Variants in PRDM5 observed in about 807,000 individuals in gnomAD.
PRDM5 encodes the protein PR domain zinc finger protein 5.
A neutral mutation model predicts 81.2 loss-of-function variants in PRDM5; 56 were observed. The ratio of observed to expected loss-of-function variants is 0.69; its 90% confidence interval spans 0.56 to 0.86. The LOEUF is 0.86. PRDM5 is among the 40% of genes least tolerant of loss of function. The pLI is 0.00. For missense variants in PRDM5, 697 were observed against 770.1 expected (o/e 0.91, Z 1.12); for synonymous variants, 267 against 256.4 (o/e 1.04, Z -0.39).
intron 2 of PRDM5, among the ~76,000 whole-genome samples, chr4:120,887,195 T>C (rs1175299025): frequency 6.6e-6 from 1 of 152,124 alleles, no homozygotes; most frequent in Non-Finnish European, 1.5e-5. Flanking sequence ...CCACCCGCCT[T>C]GGCCTCTCAA....
intron 2 of PRDM5, among the ~76,000 whole-genome samples, chr4:120,857,513 CT>C: frequency 6.6e-6 from 1 of 152,344 alleles, no homozygotes; most frequent in Middle Eastern, 3.4e-3. Context: ...GGTCTAGCCT[CT>C]GTTGAATGCT....
At chr4:120,708,221 T>C (rs1299501946) in intron 15 of PRDM5, among the ~76,000 whole-genome samples, 1 of 152,042 alleles carries the variant, frequency 6.6e-6, no homozygotes, top group Non-Finnish European at 1.5e-5. Context: ...CTATTCACAA[T>C]AGTCATAAGG....
At chr4:120,718,295 GTCTC>G (rs1026351919) in intron 14 of PRDM5, among the ~76,000 whole-genome samples, 5 of 152,154 alleles carry the variant, frequency 3.3e-5, no homozygotes, top group African/African-American at 1.2e-4. Flanking sequence ...GACAGTCTTT[GTCTC>G]TCTCTCACAC....
At chr4:120,726,203 A>G (rs1739383454) in intron 14 of PRDM5, among the ~76,000 whole-genome samples, 2 of 152,338 alleles carry the variant, frequency 1.3e-5, no homozygotes, top group East Asian at 3.9e-4. Flanking sequence ...TTAAGAAAAA[A>G]TATTTTTACA....
At chr4:120,891,819 A>G (rs945883495) in intron 2 of PRDM5, among the ~76,000 whole-genome samples, 15 of 152,004 alleles carry the variant, frequency 9.9e-5, no homozygotes, top group Admixed American at 9.8e-4. Flanking sequence ...TAGTAGACAC[A>G]GGGTTTCGTT....
At chr4:120,809,117 C>T (rs765319374) in intron 8 of PRDM5, among the ~76,000 whole-genome samples, 10 of 152,180 alleles carry the variant, frequency 6.6e-5, no homozygotes, top group Non-Finnish European at 1.3e-4. Flanking sequence ...GCTGCCAGCA[C>T]ACTGTCACCT....
At chr4:120,786,470 T>G (rs1318378580) in intron 10 of PRDM5, among the ~76,000 whole-genome samples, 15 of 151,528 alleles carry the variant, frequency 9.9e-5, no homozygotes, top group Admixed American at 2.6e-4. Context: ...AATATGGCAT[T>G]TAAAATTGGT....
At chr4:120,706,163 C>G (rs1243951157) in intron 15 of PRDM5, among the ~76,000 whole-genome samples, 1 of 150,084 alleles carries the variant, frequency 6.7e-6, no homozygotes, top group Admixed American at 6.7e-5. Context: ...ACGATCTTGG[C>G]TCACTGAAAC....
chr4:120,903,120 T>C (rs1489709212), intron 2 of PRDM5, among the ~76,000 whole-genome samples: 1 of 152,180 alleles, frequency 6.6e-6, no homozygotes, highest in East Asian at 1.9e-4. Context: ...TACCACCAGG[T>C]TCTGGTTCAT....
At chr4:120,749,498 C>A (rs901853788) in intron 14 of PRDM5, among the ~76,000 whole-genome samples, 19 of 152,110 alleles carry the variant, frequency 1.2e-4, no homozygotes, top group Non-Finnish European at 2.2e-4. Context: ...TTGAAGGAAC[C>A]CATCTGCTTT....
chr4:120,698,975 G>T (rs114180260), intron 15 of PRDM5, among the ~76,000 whole-genome samples: 2,299 of 151,564 alleles, frequency 0.015, 31 homozygotes, highest in Middle Eastern at 0.027. Flanking sequence ...ACATACACAT[G>T]TACTACTGTA....
At chr4:120,855,772 C>T (rs1483446563) in intron 2 of PRDM5, among the ~76,000 whole-genome samples, 3 of 152,154 alleles carry the variant, frequency 2.0e-5, no homozygotes, top group Non-Finnish European at 4.4e-5. Flanking sequence ...AGAATTGAAA[C>T]TGAAAATCTA....
intron 2 of PRDM5, among the ~76,000 whole-genome samples, chr4:120,872,150 C>CAAAAAAAAAAAAAAAAAACAA (rs1761874867): frequency 2.4e-5 from 1 of 41,842 alleles, no homozygotes; most frequent in Admixed American, 3.2e-4. Flanking sequence ...GACTCCATCT[C>CAAAAAAAAAAAAAAAAAACAA]AAAAAAAAAA....
Position 120,718,198 on chromosome 4 carries a change from T to C in PRDM5, c.1624-7785A>G, listed in dbSNP as rs113015292. On this transcript the variant is annotated intron_variant, in intron 14 of 15. Transcript: ENST00000264808. ...AAAGCTGTAATAAAGCCACAGTGTATGCACTTAATGAAATAATTTCCATGT... is the reference window on the plus strand; with the variant it reads ...AAAGCTGTAATAAAGCCACAGTGTACGCACTTAATGAAATAATTTCCATGT... Among the ~76,000 whole-genome samples, 1,142 of 152,302 alleles carry C rather than the reference T, an allele frequency of 7.5e-3. 10 individuals are homozygous for C. Among genetic ancestry groups the C allele is most frequent in the Non-Finnish European group, 0.012 (849 of 68,028 alleles).
At chr4:120,902,821 T>G (rs1199410315) in intron 2 of PRDM5, among the ~76,000 whole-genome samples, 1 of 152,134 alleles carries the variant, frequency 6.6e-6, no homozygotes, top group Non-Finnish European at 1.5e-5. Flanking sequence ...TGGGCATCAG[T>G]AAGTTCTAAG....
intron 14 of PRDM5, among the ~76,000 whole-genome samples, chr4:120,745,037 A>G (rs1742769981): frequency 6.7e-6 from 1 of 148,906 alleles, no homozygotes; most frequent in South Asian, 2.2e-4. Flanking sequence ...CCTCAATAAA[A>G]TACTGGCAAA....
chr4:120,714,479 A>G (rs1737464149), intron 14 of PRDM5, among the ~76,000 whole-genome samples: 1 of 152,100 alleles, frequency 6.6e-6, no homozygotes, highest in African/African-American at 2.4e-5. Context: ...TTTAACCTTT[A>G]GAAGTTTTAT....
Position 120,816,935 on chromosome 4 carries a change from A to G in PRDM5, c.651-11T>C. The G allele has an allele frequency of 1.2e-6, 2 of 1,602,706 alleles. No individual in the cohort carries two copies. Among genetic ancestry groups the G allele is most frequent in the Non-Finnish European group, 1.7e-6 (2 of 1,169,604 alleles). On this transcript the variant is annotated splice_polypyrimidine_tract_variant and intron_variant, in intron 5 of 15. Transcript: ENST00000264808. ...GTGCACTGAAGAACACTAAAGGGAA[A>G]TAGGAAAAAGAGAAAGAAAAGAAAA...
intron 2 of PRDM5, among the ~76,000 whole-genome samples, chr4:120,873,215 G>A (rs1762015531): frequency 6.6e-6 from 1 of 152,030 alleles, no homozygotes; most frequent in Admixed American, 6.6e-5. Flanking sequence ...TGTTGGCCAG[G>A]CTGGTCTCGA....
Sources: allele counts gnomAD v4.1 joint callset (sites outside exome capture counted in the v4.1 genomes callset), GRCh38; gene constraint gnomAD v4.1.1; transcripts MANE v1.5; gene names NCBI Gene and HGNC (gene_info 2026-07-23, HGNC 2026-07-21).